Variants in SMPD4 observed in about 807,000 individuals in gnomAD.
SMPD4 encodes the protein neutral sphingomyelinase 3.
In SMPD4, 58 loss-of-function variants were observed where a neutral mutation model predicts 97.8. That is an observed-to-expected ratio of 0.59 (90% CI 0.48 to 0.74). The LOEUF is 0.74. Among genes scored for constraint, SMPD4 ranks in the 30% least tolerant of loss-of-function variants. The pLI is 0.00. For synonymous variants in SMPD4, 388 were observed against 450.0 expected (o/e 0.86, Z 1.74); for missense variants, 853 against 1,080.5 (o/e 0.79, Z 2.95).
chr2:130,171,070 C>CAAAAT (rs766589958), intron 8 of SMPD4, among the ~76,000 whole-genome samples: 94 of 150,550 alleles, frequency 6.2e-4, no homozygotes, highest in East Asian at 2.7e-3. Flanking sequence ...TCTCCAAACA[C>CAAAAT]AAAATAAAAT....
Position 130,156,144 on chromosome 2 carries a change from G to T in SMPD4, c.1189-9C>A, listed in dbSNP as rs759088489. ...AGCCACATCTCCAGGACCTGTGGGG[G>T]AGGTGTGTGCTAAGGGCTCCGTGGC... On this transcript the variant is annotated splice_polypyrimidine_tract_variant and intron_variant, in intron 13 of 19. Transcript: ENST00000680298. 6.2e-7 allele frequency: 1 copy of T among 1,606,972 alleles called. No homozygotes were observed. Among genetic ancestry groups the T allele is most frequent in the Non-Finnish European group, 8.5e-7 (1 of 1,176,382 alleles).
intron 2 of SMPD4, among the ~76,000 whole-genome samples, chr2:130,176,118 C>T (rs1412825611): frequency 6.6e-5 from 10 of 152,132 alleles, no homozygotes; most frequent in Non-Finnish European, 1.5e-4. Flanking sequence ...CCACTGCACC[C>T]AGTTCTCAGC....
At chr2:130,180,008 G>T (rs1213436373) in intron 1 of SMPD4, among the ~76,000 whole-genome samples, 1 of 141,756 alleles carries the variant, frequency 7.1e-6, no homozygotes, top group Admixed American at 7.2e-5. Context: ...CTGTCGCCCA[G>T]AGTGGAGTGC....
At chr2:130,164,517 T>C (rs1437884137) in intron 9 of SMPD4, 72 bp from the exon 10 acceptor site, 7 of 1,250,928 alleles carry the variant, frequency 5.6e-6, no homozygotes, top group Non-Finnish European at 8.1e-6. Context: ...GAAAGGACAG[T>C]GTCTCCAACA....
chr2:130,156,726 G>A, intron 12 of SMPD4, 51 bp from the exon 13 acceptor site: 1 of 1,584,292 alleles, frequency 6.3e-7, no homozygotes, highest in Non-Finnish European at 8.6e-7. Flanking sequence ...AGGAGGCCCT[G>A]CTCACAGATG....
chr2:130,152,860 A>G lies in SMPD4; in HGVS notation c.2179T>C (p.Cys727Arg). 2 of 1,587,404 alleles carry G rather than the reference A, an allele frequency of 1.3e-6. No homozygotes were observed. The highest frequency in any genetic ancestry group is 2.2e-5 in the East Asian group (1 of 44,534). ...HRFAGQMAAL[C>R]SRDDFLGSFC... is the part of the protein sequence containing the mutation. ...CTGCCGAGGAAGTCATCCCGGGAACACAGAGCCGCCATCTGTCCTGCAAAC... is the reference window on the plus strand; with the variant it reads ...CTGCCGAGGAAGTCATCCCGGGAACGCAGAGCCGCCATCTGTCCTGCAAAC... Residue 727 changes from cysteine (C) to arginine (R), a missense_variant, in exon 20 of 20, where the codon TGT becomes CGT. By Grantham distance (180) the Cys-to-Arg change is radical. Coordinates refer to ENST00000680298, the MANE Select transcript of SMPD4 (RefSeq NM_017951.5).
intron 8 of SMPD4, among the ~76,000 whole-genome samples, chr2:130,170,023 TC>T (rs1688291463): frequency 7.1e-6 from 1 of 141,820 alleles, no homozygotes; most frequent in Non-Finnish European, 1.5e-5. Flanking sequence ...CAGCGAGGCA[TC>T]CCCATATCTC....
At chr2:130,162,031 C>T (rs1474218557) in intron 10 of SMPD4, among the ~76,000 whole-genome samples, 1 of 152,212 alleles carries the variant, frequency 6.6e-6, no homozygotes, top group Non-Finnish European at 1.5e-5. Context: ...CAGGCCCTGC[C>T]CTCCACCCTC....
chr2:130,153,573 G>A (rs1242664142), intron 17 of SMPD4, 123 bp from the exon 18 acceptor site: 2 of 1,565,144 alleles, frequency 1.3e-6, no homozygotes, highest in Admixed American at 1.8e-5. Context: ...GTGTGGGCCT[G>A]CCTCCCACAA....
intron 2 of SMPD4, among the ~76,000 whole-genome samples, chr2:130,175,595 GA>G (rs1274797145): frequency 6.6e-6 from 1 of 152,194 alleles, no homozygotes; most frequent in African/African-American, 2.4e-5. Flanking sequence ...CACTAATCAT[GA>G]AGGCAATGGA....
chr2:130,152,975 C>G, intron 19 of SMPD4, 68 bp downstream of exon 19: 1 of 1,567,056 alleles, frequency 6.4e-7, no homozygotes, highest in East Asian at 2.2e-5. Flanking sequence ...CACCCCAGGA[C>G]TGCACCCCAG....
intron 11 of SMPD4, among the ~76,000 whole-genome samples, chr2:130,159,293 C>T (rs1486452829): frequency 6.6e-6 from 1 of 152,034 alleles, no homozygotes; most frequent in Non-Finnish European, 1.5e-5. Flanking sequence ...TCGTGGCTGG[C>T]TATTTTTCTC....
At chr2:130,165,419 T>A (rs1687839974) in intron 9 of SMPD4, among the ~76,000 whole-genome samples, 1 of 131,804 alleles carries the variant, frequency 7.6e-6, no homozygotes, top group African/African-American at 3.1e-5. Context: ...AGAACAAAAC[T>A]CGGTCTCAAA....
At position 130,156,892 on chromosome 2, in the gene SMPD4, A is replaced by C. The variant is rs560302516; in HGVS notation, c.1098-217T>G. The C allele has an allele frequency of 1.1e-5, 15 of 1,307,398 alleles. No individual in the cohort carries two copies. In the Admixed American group the frequency reaches 2.2e-4, roughly 19 times the overall value. The allele number at this position is 1,307,398 out of a possible 1,614,324, so 81.0% of individuals were successfully genotyped here. A position where few individuals can be genotyped will look rare whatever the true frequency, so the allele number is the denominator to read the frequency against. On this transcript the variant is annotated intron_variant, in intron 12 of 19. Coordinates refer to ENST00000680298, the MANE Select transcript of SMPD4 (RefSeq NM_017951.5). Reference sequence around the variant, plus strand: ...ACAGCACGCAGGCGGCCGAGTCAGCACAACTCCTGCACACACCTCACCCTC... The same window carrying C: ...ACAGCACGCAGGCGGCCGAGTCAGCCCAACTCCTGCACACACCTCACCCTC...
At chr2:130,177,235 C>T (rs1197170889) in intron 1 of SMPD4, among the ~76,000 whole-genome samples, 1 of 152,228 alleles carries the variant, frequency 6.6e-6, no homozygotes, top group Non-Finnish European at 1.5e-5. Context: ...CAAACATCAA[C>T]AAGCCCAGCT....
intron 3 of SMPD4, among the ~76,000 whole-genome samples, 163 bp downstream of exon 3, chr2:130,174,751 C>T (rs1316580861): frequency 6.6e-6 from 1 of 152,220 alleles, no homozygotes; most frequent in African/African-American, 2.4e-5. Context: ...TACAAGTTCA[C>T]ATGTTTAAAT....
rs763420025 is a variant in SMPD4 at position 130,157,396 on chromosome 2, C to G, written c.952G>C (p.Glu318Gln). ...PSLQALHAYQ[E>Q]SFTPTEEHVL... ...TGCTCCTCAGTAGGCGTGAACGACT[C>G]CTGGGTGGAGAAGGAGGGGTGAGGG... Residue 318 changes from glutamate to glutamine, a missense_variant and splice_region_variant, in exon 12 of 20, where the codon GAG becomes CAG. Transcript: ENST00000680298. 1 of 1,610,726 alleles carries G rather than the reference C, an allele frequency of 6.2e-7. No individual in the cohort carries two copies. The highest frequency in any genetic ancestry group is 1.1e-5 in the South Asian group (1 of 90,446).
At chr2:130,176,518 G>A (rs1573732429) in intron 2 of SMPD4, 36 bp downstream of exon 2, 1 of 1,548,268 alleles carries the variant, frequency 6.5e-7, no homozygotes, top group East Asian at 2.3e-5. Context: ...CAGAACTATG[G>A]CCACACTGAC....
intron 10 of SMPD4, among the ~76,000 whole-genome samples, chr2:130,163,471 G>C (rs1338132063): frequency 6.6e-6 from 1 of 152,232 alleles, no homozygotes; most frequent in Non-Finnish European, 1.5e-5. Flanking sequence ...GCCAGAACCA[G>C]AGGAAAAGTG....
Sources: allele counts gnomAD v4.1 joint callset (sites outside exome capture counted in the v4.1 genomes callset), GRCh38; gene constraint gnomAD v4.1.1; transcripts MANE v1.5; gene names NCBI Gene and HGNC (gene_info 2026-07-23, HGNC 2026-07-21).